The following UCK2 variants were observed in gnomAD, a reference collection of about 807,000 sequenced individuals.
The protein encoded by UCK2 is cytidine monophosphokinase 2.
Under a neutral mutation model 30.8 loss-of-function variants are expected in UCK2, and 6 were observed. The observed-to-expected ratio is 0.19, with a 90% confidence interval of 0.11 to 0.38. UCK2 has a LOEUF of 0.38. Ranked by LOEUF, UCK2 falls within the 10% of genes least tolerant of loss-of-function variation. The pLI is 1.00. For synonymous variants in UCK2, 125 were observed against 133.6 expected (o/e 0.94, Z 0.45); for missense variants, 210 against 339.8 (o/e 0.62, Z 3.00).
At chr1:165,830,537 G>A (rs1451645699) in intron 1 of UCK2, among the ~76,000 whole-genome samples, 3 of 147,290 alleles carry the variant, frequency 2.0e-5, no homozygotes, top group Admixed American at 2.0e-4. Context: ...GTGTTAGCCA[G>A]GATGGTCTCA....
rs145508453 is a variant in UCK2, at chr1:165,849,020, G to T, written c.99+21088G>T. 1.8e-4 allele frequency among the ~76,000 whole-genome samples: 27 copies of T among 152,270 alleles called. 1 individual carries two copies. In the East Asian group the frequency reaches 5.2e-3, roughly 29 times the overall value. Reference sequence around the variant, plus strand: ...GCCTGTAATCCCAGTTTGGGAGGCTGAGGTGGGAGGGTTGCTTGAGGTCTG... The same window carrying T: ...GCCTGTAATCCCAGTTTGGGAGGCTTAGGTGGGAGGGTTGCTTGAGGTCTG... On this transcript the variant is annotated intron_variant, in intron 1 of 6. Coordinates refer to ENST00000367879, the MANE Select transcript of UCK2 (RefSeq NM_012474.5).
chr1:165,854,244 ACTGT>A (rs1300050274), intron 1 of UCK2, among the ~76,000 whole-genome samples: 1 of 152,158 alleles, frequency 6.6e-6, no homozygotes, highest in Admixed American at 6.5e-5. Flanking sequence ...ACACAAAAAG[ACTGT>A]CTGGGAGTTG....
At chr1:165,829,527 A>T (rs1481368622) in intron 1 of UCK2, among the ~76,000 whole-genome samples, 1 of 152,130 alleles carries the variant, frequency 6.6e-6, no homozygotes, top group Non-Finnish European at 1.5e-5. Context: ...AGTGGGGAGG[A>T]GGCTTAAACT....
At chr1:165,843,909 T>G (rs545328636) in intron 1 of UCK2, among the ~76,000 whole-genome samples, 1 of 152,330 alleles carries the variant, frequency 6.6e-6, no homozygotes, top group Admixed American at 6.5e-5. Flanking sequence ...TTTGAAATAA[T>G]TTTGCACGTG....
At chr1:165,840,306 TTTAATG>T (rs1477200871) in intron 1 of UCK2, among the ~76,000 whole-genome samples, 1 of 152,290 alleles carries the variant, frequency 6.6e-6, no homozygotes, top group Non-Finnish European at 1.5e-5. Flanking sequence ...CCATTAATGT[TTTAATG>T]TATGTATACA....
At position 165,887,989 on chromosome 1, in the gene UCK2, G is replaced by C. The variant is rs1018553783; in HGVS notation, c.100-2215G>C. ...AAATAAATTGTTTGCAAATAATTGA[G>C]TCAAAATATTATTGTTCCTCCAAAG... On this transcript the variant is annotated intron_variant, in intron 1 of 6. Coordinates refer to ENST00000367879, the MANE Select transcript of UCK2 (RefSeq NM_012474.5). Among the ~76,000 whole-genome samples, 4 of 152,192 alleles carry C rather than the reference G, an allele frequency of 2.6e-5. No individual in the cohort carries two copies. In the East Asian group the frequency reaches 5.8e-4, roughly 22 times the overall value.
chr1:165,871,635 T>C (rs541765669), intron 1 of UCK2, among the ~76,000 whole-genome samples: 18 of 152,078 alleles, frequency 1.2e-4, no homozygotes, highest in African/African-American at 4.3e-4. Flanking sequence ...GCCTTTGATG[T>C]GGTTGGGATC....
rs146738228 is a variant in UCK2, at chr1:165,876,504, A to G, written c.100-13700A>G. Among the ~76,000 whole-genome samples, 86 of 152,364 alleles carry G rather than the reference A, an allele frequency of 5.6e-4. 2 individuals are homozygous for G. In the East Asian group the frequency reaches 0.013, roughly 24 times the overall value. ...CTGCAGGACAAGTTTGTAAAATGCA[A>G]TGATACATCTTTATGACATATATCC... is the stretch of plus-strand genomic sequence containing the variant. On this transcript the variant is annotated intron_variant, in intron 1 of 6. Coordinates refer to ENST00000367879, the MANE Select transcript of UCK2 (RefSeq NM_012474.5).
At chr1:165,898,109 C>G (rs376656148) in intron 4 of UCK2, 2 of 152,184 alleles carry the variant, frequency 1.3e-5, no homozygotes, top group Admixed American at 1.3e-4. Context: ...CCACAAACTC[C>G]GGCCCTGCTT....
Position 165,909,387 on chromosome 1 carries a change from AC to A in UCK2, c.*1566del, listed in dbSNP as rs1295947608. On this transcript the variant is annotated 3_prime_UTR_variant, in exon 7 of 7. Transcript: ENST00000367879. Reference sequence around the variant, plus strand: ...GCCATTGCCAGAAACATTTTGGAGAACCTTTTCTTCCCATTGCTCTCAGAGC... The same window carrying A: ...GCCATTGCCAGAAACATTTTGGAGAACTTTTCTTCCCATTGCTCTCAGAGC... 6.6e-6 allele frequency: 1 copy of A among 152,148 alleles called. No individual in the cohort carries two copies. Among genetic ancestry groups the A allele is most frequent in the African/African-American group, 2.4e-5 (1 of 41,400 alleles). 9.4% of individuals were successfully genotyped at this position (152,148 alleles called of 1,614,324 possible). A position where few individuals can be genotyped will look rare whatever the true frequency, so the allele number is the denominator to read the frequency against.
intron 1 of UCK2, among the ~76,000 whole-genome samples, chr1:165,839,059 A>G (rs1442716417): frequency 6.6e-6 from 1 of 152,100 alleles, no homozygotes; most frequent in Non-Finnish European, 1.5e-5. Flanking sequence ...AAAAAAAAAG[A>G]AAGAAAAAAT....
intron 1 of UCK2, among the ~76,000 whole-genome samples, chr1:165,840,547 A>G (rs1473992321): frequency 6.6e-6 from 1 of 152,218 alleles, no homozygotes; most frequent in Non-Finnish European, 1.5e-5. Flanking sequence ...GCTCCCTGGC[A>G]TCTGTGCCTG....
rs1647788914 is a variant in UCK2 at position 165,909,690 on chromosome 1, T to C, written c.*1867T>C. 1 of 152,292 alleles carries C rather than the reference T, an allele frequency of 6.6e-6. No individual in the cohort carries two copies. Among genetic ancestry groups the C allele is most frequent in the Non-Finnish European group, 1.5e-5 (1 of 68,096 alleles). The allele number at this position is 152,292 out of a possible 1,614,324, so 9.4% of individuals were successfully genotyped here. A position where few individuals can be genotyped will look rare whatever the true frequency, so the allele number is the denominator to read the frequency against. On this transcript the variant is annotated 3_prime_UTR_variant, in exon 7 of 7. Coordinates refer to ENST00000367879, the MANE Select transcript of UCK2 (RefSeq NM_012474.5). ...CCAAGATGCCTCCTTTGAAAGCCGG[T>C]GCTCACCAAGATCAGTTCAGGATCA...
At chr1:165,849,552 C>G (rs1442435230) in intron 1 of UCK2, among the ~76,000 whole-genome samples, 1 of 152,182 alleles carries the variant, frequency 6.6e-6, no homozygotes, top group Non-Finnish European at 1.5e-5. Flanking sequence ...AAGGCCAAGC[C>G]TTTTTCTCCT....
chr1:165,907,917 A>G lies in UCK2; in HGVS notation c.*94A>G. The stretch of plus-strand genomic sequence containing the variant: ...TGTACATACTGTTTCCTATGACATT[A>G]CTGTATTTAAGAAAACACCATGGAG... On this transcript the variant is annotated 3_prime_UTR_variant, in exon 7 of 7. Transcript: ENST00000367879. The G allele has an allele frequency of 1.4e-6, 2 of 1,460,284 alleles. No individual in the cohort carries two copies. Among genetic ancestry groups the G allele is most frequent in the Non-Finnish European group, 1.8e-6 (2 of 1,095,836 alleles). The allele number at this position is 1,460,284 out of a possible 1,614,324, so 90.5% of individuals were successfully genotyped here.
intron 3 of UCK2, chr1:165,891,532 G>T: frequency 1.8e-6 from 1 of 546,556 alleles, no homozygotes; most frequent in Admixed American, 3.2e-5. Context: ...GCGCTCCCTG[G>T]AACAGTCCTG....
chr1:165,898,117 CT>C (rs1557848927), intron 4 of UCK2: 2 of 152,212 alleles, frequency 1.3e-5, no homozygotes, highest in African/African-American at 4.8e-5. Context: ...TCCGGCCCTG[CT>C]TTGGTTGATC....
At chr1:165,890,394 T>A (rs771873323) in intron 2 of UCK2, 31 bp downstream of exon 2, 1 of 1,601,096 alleles carries the variant, frequency 6.2e-7, no homozygotes, top group East Asian at 2.2e-5. Context: ...GGTATGTATC[T>A]GTATTGGTGT....
At chr1:165,881,073 T>A (rs1655488666) in intron 1 of UCK2, among the ~76,000 whole-genome samples, 1 of 150,798 alleles carries the variant, frequency 6.6e-6, no homozygotes, top group South Asian at 2.1e-4. Flanking sequence ...CTCGTTAAGC[T>A]GAGGCAGACG....
Sources: allele counts gnomAD v4.1 joint callset (sites outside exome capture counted in the v4.1 genomes callset), GRCh38; gene constraint gnomAD v4.1.1; transcripts MANE v1.5; gene names NCBI Gene and HGNC (gene_info 2026-07-23, HGNC 2026-07-21).